The following VANGL1 variants were observed in gnomAD, a reference collection of about 807,000 sequenced individuals.
VANGL1 encodes vang-like protein 1.
A neutral mutation model predicts 48.4 loss-of-function variants in VANGL1; 18 were observed. That is an observed-to-expected ratio of 0.37 (90% CI 0.26 to 0.55). The LOEUF (loss-of-function observed/expected upper bound fraction) is 0.55, where lower values mean the gene tolerates loss of function less well. Among genes scored for constraint, VANGL1 ranks in the 20% least tolerant of loss-of-function variants. The pLI is 0.81. For missense variants in VANGL1, 667 were observed against 675.8 expected, an observed-to-expected ratio of 0.99 and a Z score of 0.14; for synonymous variants, 257 against 261.8, an observed-to-expected ratio of 0.98 and a Z score of 0.18.
chr1:115,685,042 T>G (rs1196038413), intron 6 of VANGL1, among the ~76,000 whole-genome samples: 1 of 152,166 alleles, frequency 6.6e-6, no homozygotes, highest in Non-Finnish European at 1.5e-5. Flanking sequence ...AGAACAGAGT[T>G]CATCTCCCAG....
chr1:115,677,063 A>G (rs747277934), intron 4 of VANGL1, among the ~76,000 whole-genome samples: 111 of 152,264 alleles, frequency 7.3e-4, no homozygotes, highest in Non-Finnish European at 1.0e-3. Context: ...CTCCTCCCAC[A>G]GCCTCTGTGC....
Position 115,694,373 on chromosome 1 carries a change from G to A in VANGL1, c.*2994G>A, listed in dbSNP as rs1340107902. 6.6e-6 allele frequency: 1 copy of A among 152,188 alleles called. No individual in the cohort carries two copies. The highest frequency in any genetic ancestry group is 1.5e-5 in the Non-Finnish European group (1 of 68,046). 9.4% of individuals were successfully genotyped at this position (152,188 alleles called of 1,614,324 possible). A position where few individuals can be genotyped will look rare whatever the true frequency, so the allele number is the denominator to read the frequency against. ...AATGGTAAGAGGCAGGTGACCTGGT[G>A]TGTTTGCTGTGTTGTAGTTCATTGC... On this transcript the variant is annotated 3_prime_UTR_variant, in exon 8 of 8. Coordinates refer to ENST00000355485, the MANE Select transcript of VANGL1 (RefSeq NM_138959.3).
At position 115,648,779 on chromosome 1, in the gene VANGL1, G is replaced by A. The variant is rs76767066; in HGVS notation, c.-137-2498G>A. Among the ~76,000 whole-genome samples the A allele has an allele frequency of 9.1e-4, 139 of 152,296 alleles. 2 individuals are homozygous for A. The East Asian group carries it at 0.01, about 11-fold the overall frequency. Reference sequence around the variant, plus strand: ...AAGCTGGATCTGCCCACATCTGCGGGGCCTGGGCCACCTGCCTCTGAGACA... The same window carrying A: ...AAGCTGGATCTGCCCACATCTGCGGAGCCTGGGCCACCTGCCTCTGAGACA... On this transcript the variant is annotated intron_variant, in intron 1 of 7. Transcript: ENST00000355485.
chr1:115,683,828 T>C (rs1653484259), intron 5 of VANGL1, 116 bp from the exon 6 acceptor site: 2 of 1,349,322 alleles, frequency 1.5e-6, no homozygotes, highest in East Asian at 2.4e-5. Flanking sequence ...AGGATTTGTG[T>C]GTGTGTGTTC....
chr1:115,694,553 C>T lies in VANGL1; in HGVS notation c.*3174C>T, dbSNP rs1653964992. On this transcript the variant is annotated 3_prime_UTR_variant, in exon 8 of 8. Coordinates refer to ENST00000355485, the MANE Select transcript of VANGL1 (RefSeq NM_138959.3). ...ATCACTTTCGAGTGCATGTATTTACCTAAGGGCTGTAGCTCTGTGGGATGC... is the reference window on the plus strand; with the variant it reads ...ATCACTTTCGAGTGCATGTATTTACTTAAGGGCTGTAGCTCTGTGGGATGC... 6.6e-6 allele frequency: 1 copy of T among 152,100 alleles called. No individual in the cohort carries two copies. The highest frequency in any genetic ancestry group is 2.4e-5 in the African/African-American group (1 of 41,412). The allele number at this position is 152,100 out of a possible 1,614,324, so 9.4% of individuals were successfully genotyped here.
intron 2 of VANGL1, among the ~76,000 whole-genome samples, 166 bp downstream of exon 2, chr1:115,651,650 C>G (rs1165156419): frequency 6.6e-6 from 1 of 152,160 alleles, no homozygotes; most frequent in African/African-American, 2.4e-5. Context: ...AACTACGTCA[C>G]CAGTTTACAT....
intron 4 of VANGL1, among the ~76,000 whole-genome samples, chr1:115,680,990 G>A (rs142231565): frequency 2.5e-3 from 387 of 152,326 alleles, no homozygotes; most frequent in African/African-American, 9.1e-3. Context: ...GGTTGGAGAT[G>A]TCAGCACGTA....
rs1344902613 is a variant in VANGL1 at position 115,691,484 on chromosome 1, A to T, written c.*105A>T. ...TTTTAAAAATTCTTCTTCATTGCTGACTGAAACTGGCAGATGATTGACCAG... is the reference window on the plus strand; with the variant it reads ...TTTTAAAAATTCTTCTTCATTGCTGTCTGAAACTGGCAGATGATTGACCAG... On this transcript the variant is annotated 3_prime_UTR_variant, in exon 8 of 8. Transcript: ENST00000355485. 1 of 1,278,204 alleles carries T rather than the reference A, an allele frequency of 7.8e-7. No individual in the cohort carries two copies. The highest frequency in any genetic ancestry group is 1.1e-6 in the Non-Finnish European group (1 of 944,720). The allele number at this position is 1,278,204 out of a possible 1,614,324, so 79.2% of individuals were successfully genotyped here. A position where few individuals can be genotyped will look rare whatever the true frequency, so the allele number is the denominator to read the frequency against.
At chr1:115,672,650 C>T (rs2101015971) in intron 4 of VANGL1, among the ~76,000 whole-genome samples, 1 of 152,304 alleles carries the variant, frequency 6.6e-6, no homozygotes, top group East Asian at 1.9e-4. Context: ...GTTTTTGTCC[C>T]TCTTTGTCCT....
chr1:115,680,542 CT>C (rs1653346788), intron 4 of VANGL1, among the ~76,000 whole-genome samples: 1 of 152,216 alleles, frequency 6.6e-6, no homozygotes, highest in Admixed American at 6.5e-5. Context: ...CGGATTTCCC[CT>C]GATAGTGTTC....
intron 4 of VANGL1, among the ~76,000 whole-genome samples, chr1:115,679,812 C>T (rs1260323646): frequency 6.6e-6 from 1 of 152,042 alleles, no homozygotes; most frequent in African/African-American, 2.4e-5. Context: ...AATCCAGGGG[C>T]CTAGAGATGT....
chr1:115,688,660 A>G (rs1259657942), intron 7 of VANGL1, among the ~76,000 whole-genome samples: 1 of 138,416 alleles, frequency 7.2e-6, no homozygotes, highest in Non-Finnish European at 1.6e-5. Flanking sequence ...GTACTTTTGC[A>G]TGCTTTGCCT....
intron 4 of VANGL1, 133 bp from the exon 5 acceptor site, chr1:115,682,231 A>C: frequency 7.9e-7 from 1 of 1,272,436 alleles, no homozygotes; most frequent in Non-Finnish European, 1.1e-6. Flanking sequence ...AGTGTGGTGG[A>C]ACCCAGTGGA....
At chr1:115,671,199 G>A (rs1352121235) in intron 4 of VANGL1, 4 of 152,376 alleles carry the variant, frequency 2.6e-5, no homozygotes, top group Admixed American at 2.0e-4. Flanking sequence ...TGGGAGATGG[G>A]TCACACTCCC....
Position 115,691,473 on chromosome 1 carries a change from C to A in VANGL1, c.*94C>A. ...AGGGGTGTCTTTTTTAAAAATTCTTCTTCATTGCTGACTGAAACTGGCAGA... is the reference window on the plus strand; with the variant it reads ...AGGGGTGTCTTTTTTAAAAATTCTTATTCATTGCTGACTGAAACTGGCAGA... On this transcript the variant is annotated 3_prime_UTR_variant, in exon 8 of 8. Coordinates refer to ENST00000355485, the MANE Select transcript of VANGL1 (RefSeq NM_138959.3). 1 of 1,361,400 alleles carries A rather than the reference C, an allele frequency of 7.3e-7. No individual in the cohort carries two copies. Among genetic ancestry groups the A allele is most frequent in the Non-Finnish European group, 9.9e-7 (1 of 1,014,124 alleles). The allele number at this position is 1,361,400 out of a possible 1,614,324, so 84.3% of individuals were successfully genotyped here. A position where few individuals can be genotyped will look rare whatever the true frequency, so the allele number is the denominator to read the frequency against.
Position 115,651,530 on chromosome 1 carries a change from A to G in VANGL1, c.71+46A>G, listed in dbSNP as rs754747814. On this transcript the variant is annotated intron_variant, in intron 2 of 7. Transcript: ENST00000355485. ...TACACTTTTCCTTTTGGGGAAACCTACAGGTTGGTGGGGTTCTCTACACTC... is the reference window on the plus strand; with the variant it reads ...TACACTTTTCCTTTTGGGGAAACCTGCAGGTTGGTGGGGTTCTCTACACTC... 3.2e-6 allele frequency: 5 copies of G among 1,575,712 alleles called. No individual in the cohort carries two copies. The Admixed American group carries it at 6.7e-5, about 21-fold the overall frequency.
chr1:115,653,951 T>C (rs947659388), intron 2 of VANGL1, among the ~76,000 whole-genome samples: 6 of 152,124 alleles, frequency 3.9e-5, no homozygotes, highest in African/African-American at 1.4e-4. Flanking sequence ...TCCAACTGAC[T>C]GCAGCATAGG....
rs1653741998 is a variant in VANGL1, at chr1:115,689,042, C to T, written c.1315-2077C>T. On this transcript the variant is annotated intron_variant, in intron 7 of 7. Transcript: ENST00000355485. Reference sequence around the variant, plus strand: ...TCCTGACCTCGTGATCTGCCTGCTTCAACCTCCCAAAGTTCTGGGATTACA... The same window carrying T: ...TCCTGACCTCGTGATCTGCCTGCTTTAACCTCCCAAAGTTCTGGGATTACA... Among the ~76,000 whole-genome samples the T allele has an allele frequency of 2.9e-5, 4 of 137,300 alleles. 1 individual carries two copies. The highest frequency in any genetic ancestry group is 2.2e-4 in the Admixed American group (3 of 13,336). The allele number at this position is 137,300 out of a possible 152,430, so 90.1% of individuals were successfully genotyped here. A position where few individuals can be genotyped will look rare whatever the true frequency, so the allele number is the denominator to read the frequency against.
At chr1:115,680,003 G>A (rs1337223444) in intron 4 of VANGL1, among the ~76,000 whole-genome samples, 1 of 94,772 alleles carries the variant, frequency 1.1e-5, no homozygotes, top group Non-Finnish European at 2.1e-5. Context: ...GTGTGTGTGT[G>A]TGTGTGTGTG....
Sources: gnomAD v4.1 joint callset for allele counts (sites outside exome capture counted in the v4.1 genomes callset) on GRCh38, gnomAD v4.1.1 for gene constraint, MANE v1.5 for transcripts, NCBI Gene and HGNC (gene_info 2026-07-23, HGNC 2026-07-21) for gene names.